The following RBFOX1 variants were observed in gnomAD, a reference collection of about 807,000 sequenced individuals.
RBFOX1 encodes RNA binding fox-1 homolog 1.
A neutral mutation model predicts 57.7 loss-of-function variants in RBFOX1; 8 were observed. The observed-to-expected ratio is 0.14, with a 90% CI of 0.08 to 0.25. The LOEUF (loss-of-function observed/expected upper bound fraction) is 0.25, where lower values mean the gene tolerates loss of function less well. RBFOX1 is among the 10% of genes least tolerant of loss of function. The pLI, the probability that RBFOX1 is intolerant of heterozygous loss-of-function variation, is 1.00. For missense variants in RBFOX1, 611 were observed against 548.5 expected, an observed-to-expected ratio of 1.11 and a Z score of -1.14; for synonymous variants, 326 against 222.4, an observed-to-expected ratio of 1.47 and a Z score of -4.15.
rs76113824 is a variant in RBFOX1, at chr16:5,556,173, C to T, written c.259-42729C>T. On this transcript the variant is annotated intron_variant, in intron 2 of 2. Transcript: ENST00000585867. ...CACATGTTAATTAAGTAACACATTT[C>T]CCTCTTGCGGTTACATACATTCGGT... Among the ~76,000 whole-genome samples, 1,033 of 152,338 alleles carry T rather than the reference C, an allele frequency of 6.8e-3. 8 individuals are homozygous for T. The highest frequency in any genetic ancestry group is 0.011 in the Non-Finnish European group (734 of 68,042).
At chr16:5,850,566 T>C (rs2056869896) in intron 3 of RBFOX1, among the ~76,000 whole-genome samples, 1 of 152,226 alleles carries the variant, frequency 6.6e-6, no homozygotes, top group African/African-American at 2.4e-5. Flanking sequence ...CGATGCATTA[T>C]GACAGCAGAC....
intron 3 of RBFOX1, among the ~76,000 whole-genome samples, chr16:6,787,935 C>G (rs576037463): frequency 2.1e-4 from 32 of 152,220 alleles, no homozygotes; most frequent in African/African-American, 7.5e-4. Flanking sequence ...GGTGAAAGGC[C>G]AATGAGGCCG....
At chr16:6,130,541 A>G (rs1232441169) in intron 1 of RBFOX1, among the ~76,000 whole-genome samples, 1 of 152,198 alleles carries the variant, frequency 6.6e-6, no homozygotes, top group African/African-American at 2.4e-5. Flanking sequence ...TAATTTCACC[A>G]AGTGCAAGTG....
intron 1 of RBFOX1, among the ~76,000 whole-genome samples, chr16:5,304,627 G>T (rs898390807): frequency 6.6e-6 from 1 of 152,064 alleles, no homozygotes; most frequent in Non-Finnish European, 1.5e-5. Context: ...TCTATCCTGG[G>T]GACATTAGTA....
chr16:7,052,146 G>A lies in RBFOX1; in HGVS notation c.27+48G>A, dbSNP rs8046264. On this transcript the variant is annotated intron_variant, in intron 4 of 15. Coordinates refer to ENST00000550418, the MANE Select transcript of RBFOX1 (RefSeq NM_018723.4). ...TGCTTCCTGATTCTCATTTTTGTGT[G>A]ATAAGCAAAAATTTCCTTGTCTCTC... The A allele has an allele frequency of 3.5e-3, 5,505 of 1,576,448 alleles. 149 individuals are homozygous for A. The African/African-American group carries it at 0.061, about 17-fold the overall frequency.
chr16:5,321,513 G>A (rs1211585963), intron 1 of RBFOX1, among the ~76,000 whole-genome samples: 2 of 152,050 alleles, frequency 1.3e-5, no homozygotes, highest in South Asian at 2.1e-4. Flanking sequence ...GTAGAGACGG[G>A]TTTTCACTGT....
rs1438213096 is a variant in RBFOX1 at position 6,637,497 on chromosome 16, T to C, written c.-63-17106T>C. ...TATATATAATATCCTATATATTATA[T>C]ATAATATTCTATATAGTATATATAA... On this transcript the variant is annotated intron_variant, in intron 2 of 15. Coordinates refer to ENST00000550418, the MANE Select transcript of RBFOX1 (RefSeq NM_018723.4). Among the ~76,000 whole-genome samples, 70 of 60,434 alleles carry C rather than the reference T, an allele frequency of 1.2e-3. 1 individual carries two copies. Among genetic ancestry groups the C allele is most frequent in the Non-Finnish European group, 2.2e-3 (63 of 28,926 alleles). The allele number at this position is 60,434 out of a possible 152,430, so 39.6% of individuals were successfully genotyped here.
chr16:7,704,471 A>T (rs905302753), intron 14 of RBFOX1, among the ~76,000 whole-genome samples: 1 of 152,182 alleles, frequency 6.6e-6, no homozygotes, highest in African/African-American at 2.4e-5. Flanking sequence ...GCTGACCCAG[A>T]GTCTTCAAAA....
At chr16:7,702,510 T>G (rs2081082116) in intron 14 of RBFOX1, among the ~76,000 whole-genome samples, 1 of 152,214 alleles carries the variant, frequency 6.6e-6, no homozygotes, top group South Asian at 2.1e-4. Context: ...TTGGAAAACA[T>G]AAATGCCCAT....
chr16:7,437,761 A>T (rs1303104914), intron 4 of RBFOX1, among the ~76,000 whole-genome samples: 2 of 152,136 alleles, frequency 1.3e-5, no homozygotes, highest in African/African-American at 4.8e-5. Flanking sequence ...ATACTGCTCG[A>T]CGTGGCAAAG....
Position 5,363,100 on chromosome 16 carries a change from C to A in RBFOX1, c.220-104116C>A, listed in dbSNP as rs1352540398. On this transcript the variant is annotated intron_variant, in intron 1 of 2. Transcript: ENST00000585867. ...CTAGGCTGGAGCGCAGTGGTGTGATCTCGGCTCACTGCAACCTCCACCTCC... is the reference window on the plus strand; with the variant it reads ...CTAGGCTGGAGCGCAGTGGTGTGATATCGGCTCACTGCAACCTCCACCTCC... 1.5e-5 allele frequency among the ~76,000 whole-genome samples: 2 copies of A among 130,562 alleles called. 1 individual carries two copies. Among genetic ancestry groups the A allele is most frequent in the South Asian group, 4.7e-4 (2 of 4,248 alleles). 85.7% of individuals were successfully genotyped at this position (130,562 alleles called of 152,430 possible). A position where few individuals can be genotyped will look rare whatever the true frequency, so the allele number is the denominator to read the frequency against.
At chr16:6,966,692 C>T (rs990790627) in intron 3 of RBFOX1, among the ~76,000 whole-genome samples, 12 of 152,058 alleles carry the variant, frequency 7.9e-5, no homozygotes, top group Non-Finnish European at 1.5e-4. Flanking sequence ...TGAAGTGAAG[C>T]GAAATTGATC....
intron 3 of RBFOX1, among the ~76,000 whole-genome samples, chr16:6,876,309 A>G (rs1181441930): frequency 1.3e-5 from 2 of 152,228 alleles, no homozygotes; most frequent in African/African-American, 2.4e-5. Flanking sequence ...TGGTCAGCAT[A>G]TTCAATGGAC....
intron 1 of RBFOX1, among the ~76,000 whole-genome samples, chr16:6,255,988 C>A (rs2097658875): frequency 6.6e-6 from 1 of 150,936 alleles, no homozygotes; most frequent in Admixed American, 6.7e-5. Flanking sequence ...AGCAAACCAC[C>A]ATGGCACATG....
chr16:5,648,475 T>C (rs1241131890), intron 3 of RBFOX1, among the ~76,000 whole-genome samples: 1 of 152,084 alleles, frequency 6.6e-6, no homozygotes, highest in Non-Finnish European at 1.5e-5. Context: ...TGATGTTCCC[T>C]AGGGGAATTT....
intron 2 of RBFOX1, among the ~76,000 whole-genome samples, chr16:6,514,082 T>G (rs1330042505): frequency 6.6e-6 from 1 of 152,252 alleles, no homozygotes; most frequent in East Asian, 1.9e-4. Flanking sequence ...CCATTGGTCG[T>G]CAAGAATGAG....
chr16:6,772,146 G>T (rs547515453), intron 3 of RBFOX1, among the ~76,000 whole-genome samples: 2 of 152,108 alleles, frequency 1.3e-5, no homozygotes, highest in African/African-American at 4.8e-5. Flanking sequence ...TTTGTGGTCT[G>T]TTGGTGGTTC....
chr16:6,894,422 C>T (rs544400469), intron 3 of RBFOX1, among the ~76,000 whole-genome samples: 8 of 152,170 alleles, frequency 5.3e-5, no homozygotes, highest in East Asian at 1.9e-4. Context: ...CAGCACTTCT[C>T]TAATTCTGTG....
At chr16:5,894,362 C>A (rs1372223305) in intron 4 of RBFOX1, among the ~76,000 whole-genome samples, 1 of 152,102 alleles carries the variant, frequency 6.6e-6, no homozygotes, top group South Asian at 2.1e-4. Context: ...GGCTCACTTT[C>A]ACCTCCACCT....
Sources: allele counts gnomAD v4.1 joint callset (sites outside exome capture counted in the v4.1 genomes callset), GRCh38; gene constraint gnomAD v4.1.1; transcripts MANE v1.5; gene names NCBI Gene and HGNC (gene_info 2026-07-23, HGNC 2026-07-21).